RFX3: variants seen among roughly 807,000 people sequenced by gnomAD.
The protein encoded by RFX3 is transcription factor RFX3.
In RFX3, 14 loss-of-function variants were observed where a neutral mutation model predicts 98.6. The observed-to-expected ratio is 0.14, with a 90% confidence interval of 0.09 to 0.22. RFX3 has a LOEUF of 0.22. RFX3 is among the 10% of genes least tolerant of loss of function. The pLI is 1.00. For missense variants in RFX3, 639 were observed against 926.9 expected (o/e 0.69, Z 4.03); for synonymous variants, 383 against 328.4 (o/e 1.17, Z -1.80).
intron 3 of RFX3, among the ~76,000 whole-genome samples, chr9:3,332,967 C>T (rs1832764310): frequency 1.3e-5 from 2 of 152,118 alleles, no homozygotes; most frequent in South Asian, 4.1e-4. Context: ...CCTCACAGGA[C>T]TGTTATGTTT....
intron 3 of RFX3, among the ~76,000 whole-genome samples, chr9:3,331,445 T>G (rs1017339536): frequency 4.6e-5 from 7 of 152,196 alleles, no homozygotes; most frequent in African/African-American, 1.4e-4. Flanking sequence ...ATAATATATA[T>G]AGAACAGGTT....
Position 3,267,732 on chromosome 9 carries a change from G to T in RFX3, c.1358-1427C>A, listed in dbSNP as rs149730906. Among the ~76,000 whole-genome samples, 308 of 151,716 alleles carry T rather than the reference G, an allele frequency of 2.0e-3. 2 individuals are homozygous for T. Among genetic ancestry groups the T allele is most frequent in the African/African-American group, 7.0e-3 (292 of 41,426 alleles). Reference sequence around the variant, plus strand: ...CCCATGTTAGTCAAAAAAAGAAAAAGGAAAGAAAAATATTTTTCTGTTGTA... The same window carrying T: ...CCCATGTTAGTCAAAAAAAGAAAAATGAAAGAAAAATATTTTTCTGTTGTA... On this transcript the variant is annotated intron_variant, in intron 11 of 16. Coordinates refer to ENST00000617270, the MANE Select transcript of RFX3 (RefSeq NM_001282116.2).
In RFX3 at chr9:3,222,156, TTGTG is replaced by T. The variant is rs1300181760; in HGVS notation, c.*2882_*2885del. 6.6e-6 allele frequency: 1 copy of T among 152,160 alleles called. No homozygotes were observed. The highest frequency in any genetic ancestry group is 2.4e-5 in the African/African-American group (1 of 41,450). 9.4% of individuals were successfully genotyped at this position (152,160 alleles called of 1,614,324 possible). ...TCAAATTCGAAATTGATGAAAATGTTTGTGTGTATGTCTGTGCATGTTTTACTGT... is the reference window on the plus strand; with the variant it reads ...TCAAATTCGAAATTGATGAAAATGTTTGTATGTCTGTGCATGTTTTACTGT... On this transcript the variant is annotated 3_prime_UTR_variant, in exon 17 of 17. Transcript: ENST00000617270.
At chr9:3,310,148 A>T (rs1829794820) in intron 4 of RFX3, among the ~76,000 whole-genome samples, 1 of 152,202 alleles carries the variant, frequency 6.6e-6, no homozygotes, top group African/African-American at 2.4e-5. Context: ...GCAGTTGATA[A>T]TGCCAAGAAG....
intron 1 of RFX3, among the ~76,000 whole-genome samples, chr9:3,451,010 G>C (rs1324423551): frequency 2.0e-5 from 3 of 152,144 alleles, no homozygotes; most frequent in African/African-American, 7.2e-5. Context: ...TGGAGAAAAA[G>C]CTGATTCTAG....
chr9:3,522,213 A>G (rs1000930787), intron 1 of RFX3, among the ~76,000 whole-genome samples: 1 of 152,244 alleles, frequency 6.6e-6, no homozygotes, highest in Non-Finnish European at 1.5e-5. Context: ...GTCCCTAACA[A>G]GCCAGATTTA....
In RFX3 at chr9:3,316,370, G is replaced by A. The variant is rs572623116; in HGVS notation, c.474+13889C>T. On this transcript the variant is annotated intron_variant, in intron 4 of 16. Coordinates refer to ENST00000617270, the MANE Select transcript of RFX3 (RefSeq NM_001282116.2). ...TCAATAAACTAGGTATTGATGGGACGTATCTCAAAATAATAAGAGCTATTT... is the reference window on the plus strand; with the variant it reads ...TCAATAAACTAGGTATTGATGGGACATATCTCAAAATAATAAGAGCTATTT... Among the ~76,000 whole-genome samples, 13 of 152,208 alleles carry A rather than the reference G, an allele frequency of 8.5e-5. 1 individual carries two copies. Among genetic ancestry groups the A allele is most frequent in the South Asian group, 4.2e-4 (2 of 4,808 alleles).
intron 3 of RFX3, among the ~76,000 whole-genome samples, chr9:3,336,520 G>A (rs1833198344): frequency 6.6e-6 from 1 of 152,054 alleles, no homozygotes; most frequent in Non-Finnish European, 1.5e-5. Flanking sequence ...ACTAAAAGAT[G>A]AAAAGGAGTC....
intron 1 of RFX3, among the ~76,000 whole-genome samples, chr9:3,425,513 A>T (rs76562412): frequency 0.045 from 6,821 of 152,274 alleles, 526 homozygotes; most frequent in African/African-American, 0.15. Flanking sequence ...TCTCTGTACC[A>T]TATCGTTCCC....
chr9:3,233,338 TG>T (rs1226560630), intron 15 of RFX3, among the ~76,000 whole-genome samples: 1 of 152,200 alleles, frequency 6.6e-6, no homozygotes, highest in Non-Finnish European at 1.5e-5. Context: ...TATCTATACC[TG>T]AGCATACTGA....
chr9:3,430,517 T>A (rs1280737859), intron 1 of RFX3, among the ~76,000 whole-genome samples: 4 of 152,168 alleles, frequency 2.6e-5, no homozygotes, highest in African/African-American at 7.2e-5. Context: ...TTGGTAAAAT[T>A]TTTTTAGAGA....
At position 3,370,492 on chromosome 9, in the gene RFX3, T is replaced by C. The variant is rs530358672; in HGVS notation, c.118-23728A>G. ...TTAAAAATTATTTTTTAAAAACTAT[T>C]AATTATATATATATATAATCTGTGA... On this transcript the variant is annotated intron_variant, in intron 2 of 16. Transcript: ENST00000617270. Among the ~76,000 whole-genome samples the C allele has an allele frequency of 1.4e-3, 207 of 151,572 alleles. 1 individual carries two copies. Among genetic ancestry groups the C allele is most frequent in the African/African-American group, 4.9e-3 (203 of 41,476 alleles).
At chr9:3,283,920 A>G (rs2131528516) in intron 7 of RFX3, among the ~76,000 whole-genome samples, 1 of 151,846 alleles carries the variant, frequency 6.6e-6, no homozygotes, top group Middle Eastern at 3.4e-3. Flanking sequence ...AATAAAGACA[A>G]GAGTTCTTAA....
chr9:3,315,197 A>G (rs1234735235), intron 4 of RFX3, among the ~76,000 whole-genome samples: 1 of 152,170 alleles, frequency 6.6e-6, no homozygotes, highest in East Asian at 1.9e-4. Flanking sequence ...GTGCAATCAA[A>G]CTAGAACTCA....
chr9:3,225,950 G>A (rs1285448250), intron 16 of RFX3, among the ~76,000 whole-genome samples: 1 of 152,036 alleles, frequency 6.6e-6, no homozygotes, highest in African/African-American at 2.4e-5. Flanking sequence ...ATTCATTTCT[G>A]GAAATTAAAT....
chr9:3,277,277 T>C (rs1825354431), intron 8 of RFX3, 63 bp downstream of exon 8: 4 of 1,560,644 alleles, frequency 2.6e-6, no homozygotes, highest in Non-Finnish European at 3.5e-6. Flanking sequence ...ACATTGCACT[T>C]GGAGAAAAGA....
At position 3,354,244 on chromosome 9, in the gene RFX3, T is replaced by C. The variant is rs1835481207; in HGVS notation, c.118-7480A>G. 3.3e-5 allele frequency among the ~76,000 whole-genome samples: 5 copies of C among 151,818 alleles called. No homozygotes were observed. The South Asian group carries it at 1.0e-3, about 31-fold the overall frequency. ...GAATAAAGAGTGGTAGATTTCTTTT[T>C]CCAAATTTGATTGAAATGATAAACA... On this transcript the variant is annotated intron_variant, in intron 2 of 16. Coordinates refer to ENST00000617270, the MANE Select transcript of RFX3 (RefSeq NM_001282116.2).
intron 1 of RFX3, among the ~76,000 whole-genome samples, chr9:3,522,586 TG>T (rs1818831374): frequency 6.7e-6 from 1 of 150,056 alleles, no homozygotes; most frequent in South Asian, 2.1e-4. Context: ...TGTGTGTGTG[TG>T]TAACTTTTGC....
chr9:3,422,649 T>A (rs898351389), intron 1 of RFX3, among the ~76,000 whole-genome samples: 7 of 152,212 alleles, frequency 4.6e-5, no homozygotes, highest in Non-Finnish European at 8.8e-5. Flanking sequence ...GTCAGGCTTA[T>A]TATTTTACAG....
Sources: allele counts gnomAD v4.1 joint callset (sites outside exome capture counted in the v4.1 genomes callset), GRCh38; gene constraint gnomAD v4.1.1; transcripts MANE v1.5; gene names NCBI Gene and HGNC (gene_info 2026-07-23, HGNC 2026-07-21).